CCDC152: variants seen among roughly 807,000 people sequenced by gnomAD.
The protein encoded by CCDC152 is coiled-coil domain-containing protein 152.
CCDC152 carries 37 observed loss-of-function variants against 38.1 expected under a neutral mutation model. That is an observed-to-expected ratio of 0.97 (90% CI 0.75 to 1.28). The LOEUF (loss-of-function observed/expected upper bound fraction) is 1.28. CCDC152 is among the 50% of genes most tolerant of loss of function. CCDC152 has a pLI of 0.00. For missense variants in CCDC152, 259 were observed against 292.1 expected, an observed-to-expected ratio of 0.89 and a Z score of 0.83; for synonymous variants, 83 against 87.1, an observed-to-expected ratio of 0.95 and a Z score of 0.26.
At chr5:42,772,405 A>G (rs1220898738) in intron 4 of CCDC152, among the ~76,000 whole-genome samples, 1 of 152,214 alleles carries the variant, frequency 6.6e-6, no homozygotes, top group Non-Finnish European at 1.5e-5. Context: ...CAAGTTTTAA[A>G]ATAGCCTTTC....
chr5:42,761,554 G>A (rs1759554052), intron 2 of CCDC152, among the ~76,000 whole-genome samples: 1 of 152,144 alleles, frequency 6.6e-6, no homozygotes, highest in Admixed American at 6.5e-5. Context: ...GGCAGAGGTT[G>A]CAGTGAGCCA....
At chr5:42,796,515 T>C (rs1049456391) in intron 6 of CCDC152, among the ~76,000 whole-genome samples, 8 of 152,206 alleles carry the variant, frequency 5.3e-5, no homozygotes, top group Non-Finnish European at 8.8e-5. Context: ...GAGCCCTTCA[T>C]ACCTAGAAAC....
At chr5:42,769,335 A>ATAT (rs1379288222) in intron 3 of CCDC152, among the ~76,000 whole-genome samples, 4 of 151,820 alleles carry the variant, frequency 2.6e-5, no homozygotes, top group South Asian at 2.1e-4. Context: ...TTCAAATTAA[A>ATAT]TATTATTATT....
At position 42,799,459 on chromosome 5, in the gene CCDC152, G is replaced by GATA. The variant is rs1161648087; in HGVS notation, c.642+1_642+2insATA. Reference sequence around the variant, plus strand: ...TTTGCCACAAAGTATCTACAGAAGGGTATGTGAGTTTTCCTCTCAGTATTT... The same window carrying GATA: ...TTTGCCACAAAGTATCTACAGAAGGGATATATGTGAGTTTTCCTCTCAGTATTT... On this transcript the variant is annotated splice_donor_variant, in intron 8 of 8. Coordinates refer to ENST00000361970, the MANE Select transcript of CCDC152 (RefSeq NM_001134848.2). LOFTEE classifies it high-confidence loss of function. The GATA allele has an allele frequency of 9.2e-6, 14 of 1,515,096 alleles. No individual in the cohort carries two copies. The allele number at this position is 1,515,096 out of a possible 1,614,324, so 93.9% of individuals were successfully genotyped here. A position where few individuals can be genotyped will look rare whatever the true frequency, so the allele number is the denominator to read the frequency against.
rs185552467 is a variant in CCDC152, at chr5:42,799,714, C to T, written c.698C>T (p.Thr233Ile). Residue 233 changes from threonine to isoleucine, a missense_variant, in exon 9 of 9, where the codon ACC (threonine) becomes ATC (isoleucine). Coordinates refer to ENST00000361970, the MANE Select transcript of CCDC152 (RefSeq NM_001134848.2). ...AAGGAGATTGCAATTCTTCGTAATA[C>T]CATTCGCGATTTAGAGCAACGCCTT... ...KNKEIAILRN[T>I]IRDLEQRLSV... 168 of 1,550,816 alleles carry T rather than the reference C, an allele frequency of 1.1e-4. No individual in the cohort carries two copies. The highest frequency in any genetic ancestry group is 8.8e-5 in the Non-Finnish European group (101 of 1,146,376).
Position 42,799,929 on chromosome 5 carries a change from C to G in CCDC152, c.*148C>G, listed in dbSNP as rs1248838326. 1.1e-6 allele frequency: 1 copy of G among 869,888 alleles called. No individual in the cohort carries two copies. Among genetic ancestry groups the G allele is most frequent in the African/African-American group, 1.7e-5 (1 of 58,000 alleles). 53.9% of individuals were successfully genotyped at this position (869,888 alleles called of 1,614,324 possible). On this transcript the variant is annotated 3_prime_UTR_variant, in exon 9 of 9. Transcript: ENST00000361970. ...TTATTTGGACAAATCCGTACTGTAT[C>G]CAATTCTGTACTGCATTCTTGCTTA...
chr5:42,769,349 A>T (rs1759668105), intron 3 of CCDC152, among the ~76,000 whole-genome samples: 1 of 151,416 alleles, frequency 6.6e-6, no homozygotes, highest in Non-Finnish European at 1.5e-5. Flanking sequence ...TATTATTATT[A>T]TTTTTAGAGA....
At chr5:42,758,690 A>G (rs916103610) in intron 1 of CCDC152, among the ~76,000 whole-genome samples, 7 of 152,262 alleles carry the variant, frequency 4.6e-5, no homozygotes, top group Admixed American at 3.3e-4. Flanking sequence ...AAATGCAGAG[A>G]GATTGCTTTG....
intron 1 of CCDC152, among the ~76,000 whole-genome samples, chr5:42,758,463 A>C (rs1008734703): frequency 7.9e-5 from 12 of 152,216 alleles, no homozygotes; most frequent in Non-Finnish European, 1.8e-4. Flanking sequence ...TCTAAAGACA[A>C]GTGTCTCATA....
chr5:42,799,768 G>C lies in CCDC152; in HGVS notation c.752G>C (p.Arg251Pro), dbSNP rs6879044. 1 of 1,550,618 alleles carries C rather than the reference G, an allele frequency of 6.4e-7. No homozygotes were observed. The highest frequency in any genetic ancestry group is 2.0e-5 in the Admixed American group (1 of 50,760). The change falls in exon 9 of 9, where the codon CGT becomes CCT. Residue 251 changes from arginine (R) to proline (P), a missense_variant. By Grantham distance (103) the Arg-to-Pro change is moderately radical. Coordinates refer to ENST00000361970, the MANE Select transcript of CCDC152 (RefSeq NM_001134848.2). ...GTTGGCAAAGATTCTCACCTTAAGC[G>C]TAGACGGTTTTGAGCTTAGCAGTAA... The part of the protein sequence containing the change: ...LSVGKDSHLK[R>P]RRF
At chr5:42,758,736 T>C (rs913951324) in intron 1 of CCDC152, among the ~76,000 whole-genome samples, 5 of 152,202 alleles carry the variant, frequency 3.3e-5, no homozygotes, top group African/African-American at 1.2e-4. Flanking sequence ...TATTTACCAG[T>C]TTACCAAACA....
chr5:42,773,450 G>T (rs1479613305), intron 4 of CCDC152, among the ~76,000 whole-genome samples: 3 of 152,086 alleles, frequency 2.0e-5, no homozygotes, highest in Admixed American at 2.0e-4. Flanking sequence ...TGATACACAA[G>T]GTTCTTTCTC....
At chr5:42,779,070 C>T (rs1365943758) in intron 4 of CCDC152, among the ~76,000 whole-genome samples, 1 of 152,152 alleles carries the variant, frequency 6.6e-6, no homozygotes, top group Non-Finnish European at 1.5e-5. Context: ...ATTTAGAATG[C>T]TCTCTCTTAA....
intron 7 of CCDC152, among the ~76,000 whole-genome samples, chr5:42,798,632 C>G (rs1002774544): frequency 6.6e-6 from 1 of 152,202 alleles, no homozygotes; most frequent in African/African-American, 2.4e-5. Context: ...TATTATTTGA[C>G]TGGTATACAC....
In CCDC152 at chr5:42,762,676, T is replaced by TC; in HGVS notation, c.193+129dup. 3 of 634,860 alleles carry TC rather than the reference T, an allele frequency of 4.7e-6. No individual in the cohort carries two copies. The East Asian group carries it at 8.7e-5, about 18-fold the overall frequency. 39.3% of individuals were successfully genotyped at this position (634,860 alleles called of 1,614,324 possible). On this transcript the variant is annotated intron_variant, in intron 3 of 8. Transcript: ENST00000361970. ...ACATAGAATTTTCCAGATTATCATC[T>TC]CATTTATATCCTTACTATAGCCCTG...
rs189858778 is a variant in CCDC152 at position 42,771,815 on chromosome 5, G to A, written c.262+2150G>A. On this transcript the variant is annotated intron_variant, in intron 4 of 8. Transcript: ENST00000361970. ...AGCCCAGGATGAGGTGGCTTCATGG[G>A]AATTCTATTAAACACTCAAAGAAAA... is the stretch of plus-strand genomic sequence containing the variant. 1.1e-3 allele frequency among the ~76,000 whole-genome samples: 171 copies of A among 152,148 alleles called. 2 individuals carry two copies. Among genetic ancestry groups the A allele is most frequent in the Middle Eastern group, 3.4e-3 (1 of 294 alleles).
chr5:42,796,238 T>C (rs1760074003), intron 6 of CCDC152, among the ~76,000 whole-genome samples: 1 of 149,702 alleles, frequency 6.7e-6, no homozygotes, highest in South Asian at 2.1e-4. Flanking sequence ...ACTTAAAGTA[T>C]AATAATAATA....
chr5:42,787,615 A>C (rs923808523), intron 6 of CCDC152, among the ~76,000 whole-genome samples: 1 of 152,054 alleles, frequency 6.6e-6, no homozygotes, highest in Non-Finnish European at 1.5e-5. Context: ...CTTTTTGTTG[A>C]ATTGAAGACT....
chr5:42,757,302 G>A (rs919059757), intron 1 of CCDC152, among the ~76,000 whole-genome samples: 6 of 152,160 alleles, frequency 3.9e-5, no homozygotes, highest in Admixed American at 3.3e-4. Context: ...GAGGAAAGAG[G>A]AGGGACCAGA....
Sources: gnomAD v4.1 joint callset for allele counts (sites outside exome capture counted in the v4.1 genomes callset) on GRCh38, gnomAD v4.1.1 for gene constraint, MANE v1.5 for transcripts, NCBI Gene and HGNC (gene_info 2026-07-23, HGNC 2026-07-21) for gene names.